The following ITPR2 variants were observed in gnomAD, a reference collection of about 807,000 sequenced individuals.
The protein encoded by ITPR2 is inositol 1,4,5-trisphosphate receptor type 2.
ITPR2 carries 207 observed loss-of-function variants against 317.1 expected under a neutral mutation model. That is an observed-to-expected ratio of 0.65 (90% CI 0.58 to 0.73). ITPR2 has a LOEUF of 0.73. Among genes scored for constraint, ITPR2 ranks in the 30% least tolerant of loss-of-function variants. The probability of loss-of-function intolerance (pLI) is 0.00; values close to 1 mark genes in which losing one functional copy is unlikely to be tolerated. For missense variants in ITPR2, 2,613 were observed against 3,284.0 expected (o/e 0.80, Z 4.99); for synonymous variants, 1,156 against 1,149.1 (o/e 1.01, Z -0.12).
At chr12:26,823,964 C>T (rs1565790818) in intron 1 of ITPR2, among the ~76,000 whole-genome samples, 2 of 152,162 alleles carry the variant, frequency 1.3e-5, no homozygotes, top group Admixed American at 6.5e-5. Context: ...TACTTCTTAA[C>T]ATGTGTCAAT....
chr12:26,606,841 G>A (rs1245159623), intron 26 of ITPR2, among the ~76,000 whole-genome samples: 1 of 152,152 alleles, frequency 6.6e-6, no homozygotes, highest in African/African-American at 2.4e-5. Context: ...GGAAGCTGAG[G>A]CAGGAGGATC....
Position 26,767,886 on chromosome 12 carries a change from G to A in ITPR2, c.163+22271C>T, listed in dbSNP as rs568020589. ...CAACATTATTTATACTTATCAATTCGATCATTGACAAACATCCTGCTTTAT... is the reference window on the plus strand; with the variant it reads ...CAACATTATTTATACTTATCAATTCAATCATTGACAAACATCCTGCTTTAT... On this transcript the variant is annotated intron_variant, in intron 2 of 56. Coordinates refer to ENST00000381340, the MANE Select transcript of ITPR2 (RefSeq NM_002223.4). Among the ~76,000 whole-genome samples the A allele has an allele frequency of 7.2e-5, 11 of 151,932 alleles. No homozygotes were observed. The Middle Eastern group carries it at 0.027, about 376-fold the overall frequency.
intron 15 of ITPR2, among the ~76,000 whole-genome samples, chr12:26,660,210 T>C (rs1381426287): frequency 6.6e-6 from 1 of 152,068 alleles, no homozygotes; most frequent in African/African-American, 2.4e-5. Context: ...AAGTCGAAGT[T>C]TGAGAGGTAG....
At chr12:26,682,075 A>G (rs1441154187) in intron 12 of ITPR2, 41 bp from the exon 13 acceptor site, 10 of 1,534,260 alleles carry the variant, frequency 6.5e-6, no homozygotes, top group Non-Finnish European at 9.0e-6. Flanking sequence ...ATAAACAACT[A>G]TACAATATTC....
chr12:26,389,366 T>G (rs992719924), intron 54 of ITPR2, among the ~76,000 whole-genome samples: 2 of 152,240 alleles, frequency 1.3e-5, no homozygotes, highest in African/African-American at 4.8e-5. Flanking sequence ...AATTCTTTAG[T>G]ATGAGTCCCA....
intron 1 of ITPR2, among the ~76,000 whole-genome samples, chr12:26,832,091 G>A (rs1417680508): frequency 6.6e-6 from 1 of 152,114 alleles, no homozygotes; most frequent in Admixed American, 6.6e-5. Flanking sequence ...CCACAGCGCT[G>A]CAGATGCCCC....
chr12:26,489,033 C>T (rs1942736227), intron 39 of ITPR2, among the ~76,000 whole-genome samples: 1 of 152,156 alleles, frequency 6.6e-6, no homozygotes, highest in Non-Finnish European at 1.5e-5. Context: ...AAAACAACCT[C>T]TTACGATGAA....
chr12:26,753,477 A>G (rs1175539198), intron 2 of ITPR2, among the ~76,000 whole-genome samples: 2 of 152,156 alleles, frequency 1.3e-5, no homozygotes, highest in African/African-American at 4.8e-5. Context: ...TTCATTACCG[A>G]CAAGCGGTCA....
intron 2 of ITPR2, among the ~76,000 whole-genome samples, chr12:26,755,463 T>A (rs1043099414): frequency 1.3e-5 from 2 of 152,232 alleles, no homozygotes; most frequent in African/African-American, 4.8e-5. Context: ...GTAATCTTTT[T>A]AACTTTGCTT....
At chr12:26,372,414 C>T (rs568767602) in intron 55 of ITPR2, among the ~76,000 whole-genome samples, 4 of 152,298 alleles carry the variant, frequency 2.6e-5, no homozygotes, top group African/African-American at 9.6e-5. Context: ...AATGCAAAAA[C>T]ATTAAATTGT....
At chr12:26,760,048 C>G (rs1382270603) in intron 2 of ITPR2, among the ~76,000 whole-genome samples, 1 of 152,164 alleles carries the variant, frequency 6.6e-6, no homozygotes, top group Non-Finnish European at 1.5e-5. Flanking sequence ...ATAGCCTATG[C>G]ACATTCTTCT....
intron 14 of ITPR2, among the ~76,000 whole-genome samples, chr12:26,665,112 G>A (rs1382963530): frequency 2.0e-5 from 3 of 152,212 alleles, no homozygotes; most frequent in Non-Finnish European, 4.4e-5. Context: ...TTACTGACGT[G>A]TTATGAACAA....
chr12:26,417,650 G>A (rs1940762477), intron 50 of ITPR2, among the ~76,000 whole-genome samples: 1 of 152,132 alleles, frequency 6.6e-6, no homozygotes, highest in Non-Finnish European at 1.5e-5. Flanking sequence ...CCCCAGCCAT[G>A]TGGAACTGTG....
intron 21 of ITPR2, among the ~76,000 whole-genome samples, chr12:26,632,841 C>T (rs377021845): frequency 6.6e-6 from 1 of 152,206 alleles, no homozygotes; most frequent in Admixed American, 6.5e-5. Context: ...ATCATGCACA[C>T]GTTCCTTACA....
rs376327804 is a variant in ITPR2, at chr12:26,394,253, C to T, written c.7696+4623G>A. ...ATGCAGAACCAGTGTAGACCTATGACTACTTGTCTATAAAGTTCATGCATT... is the reference window on the plus strand; with the variant it reads ...ATGCAGAACCAGTGTAGACCTATGATTACTTGTCTATAAAGTTCATGCATT... On this transcript the variant is annotated intron_variant, in intron 54 of 56. Transcript: ENST00000381340. Among the ~76,000 whole-genome samples, 4 of 152,150 alleles carry T rather than the reference C, an allele frequency of 2.6e-5. No individual in the cohort carries two copies. In the East Asian group the frequency reaches 5.8e-4, roughly 22 times the overall value.
In ITPR2 at chr12:26,390,300, A is replaced by C. The variant is rs575750452; in HGVS notation, c.7697-2706T>G. 2.6e-4 allele frequency among the ~76,000 whole-genome samples: 40 copies of C among 152,342 alleles called. 3 individuals carry two copies. In the South Asian group the frequency reaches 3.7e-3, roughly 14 times the overall value. The stretch of plus-strand genomic sequence containing the variant: ...AACTGAAAATGTATGTTCACATAAA[A>C]ACTTGTACATGTTCATAGCAGCATT... On this transcript the variant is annotated intron_variant, in intron 54 of 56. Transcript: ENST00000381340.
intron 34 of ITPR2, among the ~76,000 whole-genome samples, chr12:26,571,980 G>T (rs1183793714): frequency 6.6e-6 from 1 of 152,134 alleles, no homozygotes; most frequent in African/African-American, 2.4e-5. Flanking sequence ...GACTATAATT[G>T]ATCTTTACAT....
intron 1 of ITPR2, among the ~76,000 whole-genome samples, chr12:26,825,763 TTA>T (rs1388240646): frequency 6.6e-6 from 1 of 152,188 alleles, no homozygotes; most frequent in Non-Finnish European, 1.5e-5. Flanking sequence ...AAAATATACT[TTA>T]TGTTCACCAC....
chr12:26,486,577 C>G (rs10128958), intron 40 of ITPR2, among the ~76,000 whole-genome samples: 128,954 of 152,120 alleles, frequency 0.85, 55,109 homozygotes, highest in Non-Finnish European at 0.91. Context: ...ATTTTAAAAG[C>G]ACTCATGTCT....
Sources: allele counts gnomAD v4.1 joint callset (sites outside exome capture counted in the v4.1 genomes callset), GRCh38; gene constraint gnomAD v4.1.1; transcripts MANE v1.5; gene names NCBI Gene and HGNC (gene_info 2026-07-23, HGNC 2026-07-21).